SERPINE2: variants seen among roughly 807,000 people sequenced by gnomAD.
The protein encoded by SERPINE2 is glia-derived nexin.
SERPINE2 carries 14 observed loss-of-function variants against 36.3 expected under a neutral mutation model. That is an observed-to-expected ratio of 0.39 (90% confidence interval 0.25 to 0.60). The LOEUF (loss-of-function observed/expected upper bound fraction) is 0.60. Ranked by LOEUF, SERPINE2 falls within the 20% of genes least tolerant of loss-of-function variation. The pLI, the probability that SERPINE2 is intolerant of heterozygous loss-of-function variation, is 0.57. For missense variants in SERPINE2, 418 were observed against 499.6 expected, an observed-to-expected ratio of 0.84 and a Z score of 1.56; for synonymous variants, 192 against 191.8, an observed-to-expected ratio of 1.00 and a Z score of -0.01.
At chr2:224,018,123 T>G (rs1211984009) in intron 1 of SERPINE2, among the ~76,000 whole-genome samples, 1 of 152,216 alleles carries the variant, frequency 6.6e-6, no homozygotes, top group Non-Finnish European at 1.5e-5. Flanking sequence ...AGCTCAGCCC[T>G]GTGACTCCAT....
At chr2:224,034,832 A>T (rs1692483276) in intron 1 of SERPINE2, among the ~76,000 whole-genome samples, 1 of 152,174 alleles carries the variant, frequency 6.6e-6, no homozygotes, top group African/African-American at 2.4e-5. Flanking sequence ...AGGCTTGTAG[A>T]AATGCTTTGT....
chr2:224,029,910 TG>T lies in SERPINE2; in HGVS notation c.-23+9188del, dbSNP rs1692303017. On this transcript the variant is annotated intron_variant, in intron 1 of 8. Transcript: ENST00000409304. ...AGACAGGGTTTCACTATGTTCAGGC[TG>T]TTTTTGAATTCCGAGCCTCAAGTGA... is the stretch of plus-strand genomic sequence containing the variant. Among the ~76,000 whole-genome samples the T allele has an allele frequency of 2.0e-5, 3 of 152,322 alleles. No homozygotes were observed. In the East Asian group the frequency reaches 5.8e-4, roughly 29 times the overall value.
chr2:223,987,436 G>C (rs1690479838), intron 4 of SERPINE2, among the ~76,000 whole-genome samples: 1 of 152,148 alleles, frequency 6.6e-6, no homozygotes, highest in Admixed American at 6.5e-5. Flanking sequence ...TCAGAGCATG[G>C]AGCCTCTCAT....
Position 223,998,302 on chromosome 2 carries a change from G to C in SERPINE2, c.300C>G (p.Val100=). 6.2e-7 allele frequency: 1 copy of C among 1,614,088 alleles called. No homozygotes were observed. The highest frequency in any genetic ancestry group is 1.3e-5 in the African/African-American group (1 of 75,056). The change falls in exon 3 of 9, where the codon GTC becomes GTG. Residue 100 remains valine (V), a synonymous_variant. Coordinates refer to ENST00000409304, the MANE Select transcript of SERPINE2 (RefSeq NM_001136528.2). ...TCACAATGTCTTTATTCTTCTTGGA[G>C]ACGATGGCCTTGTTGATCTTCTTTA... ...KILKKINKAI[V]SKKNKDIVTV...
intron 3 of SERPINE2, among the ~76,000 whole-genome samples, chr2:223,993,844 A>C (rs1344840553): frequency 6.6e-6 from 1 of 152,184 alleles, no homozygotes; most frequent in African/African-American, 2.4e-5. Flanking sequence ...AGTCAGGACA[A>C]AGAAGGAAAA....
At chr2:224,028,417 AGTTT>A (rs1057217434) in intron 1 of SERPINE2, among the ~76,000 whole-genome samples, 1 of 152,184 alleles carries the variant, frequency 6.6e-6, no homozygotes, top group African/African-American at 2.4e-5. Context: ...TTTGAAACCA[AGTTT>A]GTTTGACCTC....
intron 2 of SERPINE2, among the ~76,000 whole-genome samples, chr2:223,999,706 G>C (rs1361708242): frequency 6.6e-6 from 1 of 152,178 alleles, no homozygotes; most frequent in Non-Finnish European, 1.5e-5. Context: ...GTGGTGGATG[G>C]CCAACGGGCC....
chr2:223,985,000 C>T (rs1429678514), intron 4 of SERPINE2, 50 bp from the exon 5 acceptor site: 1 of 1,547,924 alleles, frequency 6.5e-7, no homozygotes, highest in Admixed American at 1.7e-5. Flanking sequence ...CTTCTAGAAG[C>T]AGGATGAGTG....
At chr2:224,025,955 C>T (rs561327779) in intron 1 of SERPINE2, among the ~76,000 whole-genome samples, 46 of 152,214 alleles carry the variant, frequency 3.0e-4, no homozygotes, top group African/African-American at 1.0e-3. Context: ...TCTTGCCAAC[C>T]GCAGAGCTGG....
chr2:224,005,802 T>C (rs1691400557), intron 1 of SERPINE2, among the ~76,000 whole-genome samples: 2 of 152,186 alleles, frequency 1.3e-5, no homozygotes, highest in African/African-American at 4.8e-5. Flanking sequence ...AGATGGAAGA[T>C]TATCATTTGC....
chr2:224,001,239 G>A (rs1442080311), intron 2 of SERPINE2, among the ~76,000 whole-genome samples: 2 of 152,134 alleles, frequency 1.3e-5, no homozygotes, highest in African/African-American at 2.4e-5. Flanking sequence ...CCATCACTAC[G>A]AGGCCCCTGG....
chr2:224,019,865 C>T (rs1029035920), intron 1 of SERPINE2, among the ~76,000 whole-genome samples: 2 of 150,150 alleles, frequency 1.3e-5, no homozygotes, highest in Non-Finnish European at 2.9e-5. Flanking sequence ...AGGGGGCTAT[C>T]CTGTGTATTG....
intron 1 of SERPINE2, among the ~76,000 whole-genome samples, chr2:224,024,746 C>T (rs75028839): frequency 2.6e-5 from 4 of 152,310 alleles, no homozygotes; most frequent in Non-Finnish European, 4.4e-5. Context: ...TCACAAGACC[C>T]GCCTGCTGCC....
At chr2:224,005,065 T>TATATATATATATATATATA (rs1553547020) in intron 1 of SERPINE2, among the ~76,000 whole-genome samples, 5 of 33,540 alleles carry the variant, frequency 1.5e-4, no homozygotes, top group Admixed American at 3.6e-4. Context: ...TTTATATATA[T>TATATATATATATATATATA]TATATATATA....
intron 4 of SERPINE2, among the ~76,000 whole-genome samples, chr2:223,988,914 A>T (rs1174850063): frequency 2.0e-5 from 3 of 152,246 alleles, no homozygotes; most frequent in Non-Finnish European, 4.4e-5. Context: ...ATGAAAGCAG[A>T]TTATAGAACA....
At chr2:223,980,565 T>C in intron 6 of SERPINE2, 168 bp from the exon 7 acceptor site, 2 of 595,364 alleles carry the variant, frequency 3.4e-6, no homozygotes, top group South Asian at 3.9e-5. Flanking sequence ...CAGCTGTTAC[T>C]TGTGAATTTC....
chr2:223,977,805 A>G, intron 7 of SERPINE2, 178 bp from the exon 8 acceptor site: 1 of 562,330 alleles, frequency 1.8e-6, no homozygotes, highest in Non-Finnish European at 3.2e-6. Flanking sequence ...TACTAAGCCT[A>G]CCTTGGGCCA....
chr2:223,983,744 G>C (rs893241135), intron 5 of SERPINE2, among the ~76,000 whole-genome samples: 1 of 128,582 alleles, frequency 7.8e-6, no homozygotes, highest in African/African-American at 2.6e-5. Flanking sequence ...ATATGTGTGT[G>C]TGTGTGTGTG....
chr2:224,016,380 C>G (rs1310453786), intron 1 of SERPINE2, among the ~76,000 whole-genome samples: 2 of 152,094 alleles, frequency 1.3e-5, no homozygotes, highest in African/African-American at 4.8e-5. Context: ...GCGGCAGGTG[C>G]CTATAATCCC....
Sources: gnomAD v4.1 joint callset for allele counts (sites outside exome capture counted in the v4.1 genomes callset) on GRCh38, gnomAD v4.1.1 for gene constraint, MANE v1.5 for transcripts, NCBI Gene and HGNC (gene_info 2026-07-23, HGNC 2026-07-21) for gene names.